Variants in DLG2 observed in about 807,000 individuals in gnomAD.
The protein encoded by DLG2 is discs large MAGUK scaffold protein 2.
In DLG2, 45 loss-of-function variants were observed where a neutral mutation model predicts 132.5. The ratio of observed to expected loss-of-function variants is 0.34; its 90% confidence interval spans 0.27 to 0.44. The LOEUF (loss-of-function observed/expected upper bound fraction) is 0.44, where lower values mean the gene tolerates loss of function less well. Ranked by LOEUF, DLG2 falls within the 20% of genes least tolerant of loss-of-function variation. DLG2 has a pLI of 1.00. For missense variants in DLG2, 1,045 were observed against 1,196.9 expected (o/e 0.87, Z 1.87); for synonymous variants, 424 against 419.6 (o/e 1.01, Z -0.13).
intron 3 of DLG2, among the ~76,000 whole-genome samples, chr11:85,593,907 A>C (rs1401062933): frequency 6.6e-6 from 1 of 152,052 alleles, no homozygotes; most frequent in African/African-American, 2.4e-5. Context: ...CTTTTCCCCT[A>C]CTTGTCCATA....
chr11:84,424,555 C>T (rs1324386759), intron 7 of DLG2, among the ~76,000 whole-genome samples: 1 of 152,024 alleles, frequency 6.6e-6, no homozygotes, highest in South Asian at 2.1e-4. Context: ...TGAGGAAGCA[C>T]ACGAGGTTTA....
chr11:83,786,235 GC>G (rs1329384172), intron 18 of DLG2, among the ~76,000 whole-genome samples: 1 of 151,868 alleles, frequency 6.6e-6, no homozygotes, highest in Non-Finnish European at 1.5e-5. Context: ...AGGAGTAAAG[GC>G]AAAAAAAATG....
At chr11:84,036,661 A>C (rs1281357647) in intron 11 of DLG2, among the ~76,000 whole-genome samples, 1 of 152,156 alleles carries the variant, frequency 6.6e-6, no homozygotes, top group African/African-American at 2.4e-5. Flanking sequence ...TTAAATTGCA[A>C]GAGTTTTCTT....
intron 6 of DLG2, among the ~76,000 whole-genome samples, chr11:84,839,435 T>C (rs1485347806): frequency 6.6e-6 from 1 of 152,098 alleles, no homozygotes; most frequent in East Asian, 1.9e-4. Flanking sequence ...AATTTATAGA[T>C]TCAATGCCAT....
chr11:84,627,479 C>T (rs866622906), intron 6 of DLG2, among the ~76,000 whole-genome samples: 13 of 152,132 alleles, frequency 8.5e-5, no homozygotes, highest in African/African-American at 2.2e-4. Context: ...TTACTATAAA[C>T]GAACAAATTT....
rs555367296 is a variant in DLG2, at chr11:85,012,904, G to A, written c.357+98757C>T. Among the ~76,000 whole-genome samples, 8 of 152,216 alleles carry A rather than the reference G, an allele frequency of 5.3e-5. No homozygotes were observed. The South Asian group carries it at 1.5e-3, about 28-fold the overall frequency. ...TAGACAAATTTTATCACCCCTTAGA[G>A]CCTGTGTCATCATTTGTAAAATTAA... is the stretch of plus-strand genomic sequence containing the variant. On this transcript the variant is annotated intron_variant, in intron 6 of 27. Transcript: ENST00000376104.
chr11:84,887,692 T>C (rs2154059498), intron 6 of DLG2, among the ~76,000 whole-genome samples: 1 of 152,256 alleles, frequency 6.6e-6, no homozygotes, highest in South Asian at 2.1e-4. Context: ...TTTTGATCCC[T>C]ACATGTGGGA....
At chr11:83,575,339 A>T (rs2096857753) in intron 19 of DLG2, among the ~76,000 whole-genome samples, 1 of 152,222 alleles carries the variant, frequency 6.6e-6, no homozygotes, top group South Asian at 2.1e-4. Flanking sequence ...GAGGCCATCA[A>T]GCAGGGACAA....
At chr11:85,501,609 G>T (rs1005992513) in intron 3 of DLG2, among the ~76,000 whole-genome samples, 6 of 152,050 alleles carry the variant, frequency 3.9e-5, no homozygotes, top group Non-Finnish European at 8.8e-5. Flanking sequence ...ATGGGCAAAG[G>T]ATATGAACAA....
intron 6 of DLG2, among the ~76,000 whole-genome samples, chr11:84,638,661 T>C (rs1250651165): frequency 1.1e-4 from 16 of 152,288 alleles, no homozygotes; most frequent in Non-Finnish European, 2.9e-5. Flanking sequence ...AATTTAATAA[T>C]AGAACCATAG....
At chr11:84,953,118 C>T (rs1460714016) in intron 6 of DLG2, among the ~76,000 whole-genome samples, 1 of 152,126 alleles carries the variant, frequency 6.6e-6, no homozygotes, top group Non-Finnish European at 1.5e-5. Context: ...TAGTCTCACA[C>T]CCATCTTTAC....
intron 3 of DLG2, among the ~76,000 whole-genome samples, chr11:85,574,015 A>T (rs2078002481): frequency 6.6e-6 from 1 of 152,094 alleles, no homozygotes; most frequent in Admixed American, 6.6e-5. Context: ...TTAATTTTTT[A>T]ATTTAAAAAA....
intron 6 of DLG2, among the ~76,000 whole-genome samples, chr11:84,880,076 C>T (rs1296321623): frequency 6.6e-6 from 1 of 152,078 alleles, no homozygotes; most frequent in Non-Finnish European, 1.5e-5. Context: ...ATATGAATCA[C>T]TTGGGACAAA....
At chr11:84,452,021 G>C (rs2099052920) in intron 7 of DLG2, among the ~76,000 whole-genome samples, 1 of 151,562 alleles carries the variant, frequency 6.6e-6, no homozygotes, top group Non-Finnish European at 1.5e-5. Flanking sequence ...TGAATGAATA[G>C]AGGTATATTC....
intron 7 of DLG2, among the ~76,000 whole-genome samples, chr11:84,476,601 A>G (rs1468642940): frequency 6.6e-6 from 1 of 152,204 alleles, no homozygotes; most frequent in African/African-American, 2.4e-5. Flanking sequence ...AAATAAAGCA[A>G]GAGTGATGCT....
intron 6 of DLG2, among the ~76,000 whole-genome samples, chr11:84,670,972 CA>C (rs144729908): frequency 6.6e-6 from 1 of 152,284 alleles, no homozygotes; most frequent in Non-Finnish European, 1.5e-5. Context: ...TACAAATTTA[CA>C]ACCTCTTGCA....
intron 8 of DLG2, among the ~76,000 whole-genome samples, chr11:84,195,016 G>A (rs948462523): frequency 6.6e-6 from 1 of 152,162 alleles, no homozygotes; most frequent in Non-Finnish European, 1.5e-5. Context: ...GCCTCGGCCA[G>A]CCCAGAGAGG....
intron 14 of DLG2, among the ~76,000 whole-genome samples, chr11:83,935,309 G>A (rs570616552): frequency 6.6e-6 from 1 of 152,322 alleles, no homozygotes; most frequent in South Asian, 2.1e-4. Flanking sequence ...AAAAGTATAA[G>A]AGGATTGAAT....
chr11:84,740,877 G>A (rs2064525452), intron 6 of DLG2, among the ~76,000 whole-genome samples: 1 of 151,950 alleles, frequency 6.6e-6, no homozygotes, highest in South Asian at 2.1e-4. Flanking sequence ...TCAACAAAAT[G>A]GCTATCAGGC....
Sources: allele counts gnomAD v4.1 joint callset (sites outside exome capture counted in the v4.1 genomes callset), GRCh38; gene constraint gnomAD v4.1.1; transcripts MANE v1.5; gene names NCBI Gene and HGNC (gene_info 2026-07-23, HGNC 2026-07-21).